The following EDA variants were observed in gnomAD, a reference collection of about 807,000 sequenced individuals.
The protein encoded by EDA is ectodysplasin A, also known as ectodysplasin-A.
EDA carries 2 observed loss-of-function variants against 23.6 expected under a neutral mutation model. That is an observed-to-expected ratio of 0.08 (90% CI 0.03 to 0.27). EDA has a LOEUF of 0.27. EDA is among the 10% of genes least tolerant of loss of function. The probability of loss-of-function intolerance (pLI) is 1.00; values close to 1 mark genes in which losing one functional copy is unlikely to be tolerated. For missense variants in EDA, 229 were observed against 324.2 expected, an observed-to-expected ratio of 0.71 and a Z score of 2.26; for synonymous variants, 131 against 132.0, an observed-to-expected ratio of 0.99 and a Z score of 0.05.
chrX:69,728,830 A>AC (rs2012908901), intron 1 of EDA, among the ~76,000 whole-genome samples: 1 of 111,244 alleles, frequency 9.0e-6, no homozygotes, highest in Non-Finnish European at 1.9e-5. Context: ...ACACATCTCT[A>AC]CCCCATGGTG....
intron 1 of EDA, among the ~76,000 whole-genome samples, chrX:69,850,094 C>T (rs902909785): frequency 8.9e-6 from 1 of 112,203 alleles, no homozygotes; most frequent in African/African-American, 3.2e-5. Flanking sequence ...CAGGCATGAC[C>T]AAACTGCTCG....
rs1325490950 is a variant in EDA, at chrX:69,987,289, TA to T, written c.502+30168del. Among the ~76,000 whole-genome samples, 182 of 86,295 alleles carry T rather than the reference TA, an allele frequency of 2.1e-3. 1 individual carries two copies. The highest frequency in any genetic ancestry group is 0.011 in the South Asian group (21 of 1,932). The allele number at this position is 86,295 out of a possible 115,157, so 74.9% of individuals were successfully genotyped here. On this transcript the variant is annotated intron_variant, in intron 2 of 7. Transcript: ENST00000374552. The stretch of plus-strand genomic sequence containing the variant: ...TAAAGTATAATAAAAAAAAAAAAAT[TA>T]AAAAAAAAAATTTTTTTTTTTAAAA...
chrX:69,722,469 G>A (rs1402075937), intron 1 of EDA, among the ~76,000 whole-genome samples: 2 of 111,611 alleles, frequency 1.8e-5, no homozygotes, highest in Non-Finnish European at 3.8e-5. Flanking sequence ...GCCTCCTAAA[G>A]TATCTTTTCT....
intron 2 of EDA, among the ~76,000 whole-genome samples, chrX:69,975,640 T>TA (rs778585417): frequency 1.8e-5 from 2 of 111,697 alleles, no homozygotes; most frequent in South Asian, 3.7e-4. Flanking sequence ...TTGAAATTTT[T>TA]AAAAAACTAA....
chrX:69,943,744 C>T (rs1032965036), intron 1 of EDA, among the ~76,000 whole-genome samples: 6 of 108,446 alleles, frequency 5.5e-5, no homozygotes, highest in Admixed American at 4.0e-4. Context: ...GCCAAGCGTA[C>T]GATATTCCAT....
intron 1 of EDA, among the ~76,000 whole-genome samples, chrX:69,686,442 T>C (rs1934546758): frequency 8.9e-6 from 1 of 112,369 alleles, no homozygotes. Flanking sequence ...TATTAAGATA[T>C]AGTTTAGATA....
chrX:69,926,579 A>G (rs2018521632), intron 1 of EDA, among the ~76,000 whole-genome samples: 1 of 112,147 alleles, frequency 8.9e-6, no homozygotes, highest in Non-Finnish European at 1.9e-5. Context: ...ACTTCCAATT[A>G]TGTGGTCTAT....
intron 1 of EDA, among the ~76,000 whole-genome samples, chrX:69,811,629 G>A (rs957886727): frequency 9.0e-6 from 1 of 111,709 alleles, no homozygotes; most frequent in African/African-American, 3.2e-5. Context: ...TGGTTGCCCT[G>A]CAAGAGGGGA....
At chrX:69,751,822 CTGTT>C (rs1396399823) in intron 1 of EDA, among the ~76,000 whole-genome samples, 1 of 109,621 alleles carries the variant, frequency 9.1e-6, no homozygotes, top group African/African-American at 3.4e-5. Context: ...ATTTGGCTCT[CTGTT>C]TGTCTGTTAT....
At chrX:69,644,942 C>T (rs1932889385) in intron 1 of EDA, among the ~76,000 whole-genome samples, 2 of 111,670 alleles carry the variant, frequency 1.8e-5, no homozygotes, top group Admixed American at 9.5e-5. Flanking sequence ...GTTGAACCAA[C>T]GTTGTAACCT....
intron 1 of EDA, among the ~76,000 whole-genome samples, chrX:69,630,548 T>G (rs766544570): frequency 3.6e-5 from 4 of 112,145 alleles, no homozygotes; most frequent in African/African-American, 1.3e-4. Context: ...ATTTGTAAAA[T>G]GGGAAAGACA....
intron 1 of EDA, among the ~76,000 whole-genome samples, chrX:69,742,806 G>A (rs375310845): frequency 3.8e-4 from 42 of 110,953 alleles, no homozygotes; most frequent in African/African-American, 1.2e-3. Flanking sequence ...CAATAATTGG[G>A]CTTACCTTGT....
rs757984742 is a variant in EDA, at chrX:69,796,178, G to C, written c.397-160849G>C. On this transcript the variant is annotated intron_variant, in intron 1 of 7. Transcript: ENST00000374552. The stretch of plus-strand genomic sequence containing the variant: ...CTGCCACTGACATCGCCTAAGCCAT[G>C]TTGGCTGTCCAGGGGCCTGATAACC... Among the ~76,000 whole-genome samples the C allele has an allele frequency of 2.4e-3, 268 of 111,906 alleles. 1 individual carries two copies. The highest frequency in any genetic ancestry group is 4.3e-3 in the Non-Finnish European group (229 of 53,119).
intron 1 of EDA, among the ~76,000 whole-genome samples, chrX:69,879,303 C>A (rs1202463562): frequency 8.9e-6 from 1 of 112,268 alleles, no homozygotes; most frequent in African/African-American, 3.2e-5. Context: ...TCTCTACAGT[C>A]TCTCAGTCCT....
chrX:69,682,133 A>T (rs769453821), intron 1 of EDA, among the ~76,000 whole-genome samples: 2 of 112,189 alleles, frequency 1.8e-5, no homozygotes, highest in African/African-American at 6.5e-5. Context: ...TAGGCTGCTC[A>T]GGGGTCAGGG....
intron 1 of EDA, among the ~76,000 whole-genome samples, chrX:69,686,404 G>C (rs1457318359): frequency 8.9e-6 from 1 of 112,171 alleles, no homozygotes; most frequent in Non-Finnish European, 1.9e-5. Context: ...AACAGTTTTT[G>C]CACCACTATT....
At chrX:69,778,811 T>G (rs2147441933) in intron 1 of EDA, among the ~76,000 whole-genome samples, 1 of 111,083 alleles carries the variant, frequency 9.0e-6, no homozygotes, top group South Asian at 3.8e-4. Flanking sequence ...AATGATGGAG[T>G]AAAAACACTT....
intron 1 of EDA, among the ~76,000 whole-genome samples, chrX:69,682,395 C>A (rs1934394477): frequency 8.9e-6 from 1 of 112,691 alleles, no homozygotes; most frequent in Non-Finnish European, 1.9e-5. Flanking sequence ...CAAGCCTGGG[C>A]AATGGCGGGC....
intron 2 of EDA, among the ~76,000 whole-genome samples, chrX:70,014,351 A>C (rs1354274035): frequency 1.8e-5 from 2 of 113,012 alleles, no homozygotes; most frequent in African/African-American, 6.4e-5. Context: ...CCCCGATAAA[A>C]TCAAGGACAA....
Sources: gnomAD v4.1 joint callset for allele counts (sites outside exome capture counted in the v4.1 genomes callset) on GRCh38, gnomAD v4.1.1 for gene constraint, MANE v1.5 for transcripts, NCBI Gene and HGNC (gene_info 2026-07-23, HGNC 2026-07-21) for gene names.